Variants in RANBP2 observed in about 807,000 individuals in gnomAD.
RANBP2 encodes RAN binding protein 2.
RANBP2 carries 57 observed loss-of-function variants against 303.6 expected under a neutral mutation model. That is an observed-to-expected ratio of 0.19 (90% CI 0.15 to 0.23). RANBP2 has a LOEUF of 0.23. RANBP2 is among the 10% of genes least tolerant of loss of function. RANBP2 has a pLI of 1.00. For missense variants in RANBP2, 3,138 were observed against 3,780.8 expected (o/e 0.83, Z 4.46); for synonymous variants, 1,167 against 1,301.5 (o/e 0.90, Z 2.23).
chr2:108,970,687 G>C, the RANBP2 span, among the ~76,000 whole-genome samples: 1 of 152,152 alleles, frequency 6.6e-6, no homozygotes, highest in Non-Finnish European at 1.5e-5. Flanking sequence ...GGAGAAGACA[G>C]AAAAACCATA....
the RANBP2 span, among the ~76,000 whole-genome samples, chr2:109,107,224 CTTT>C: frequency 7.1e-6 from 1 of 141,098 alleles, no homozygotes. Context: ...CGCACCCAGC[CTTT>C]TTTTTTTTTT....
At chr2:109,609,957 G>A in the RANBP2 span, among the ~76,000 whole-genome samples, 10 of 152,234 alleles carry the variant, frequency 6.6e-5, no homozygotes, top group South Asian at 1.7e-3. Context: ...TATACAGCCA[G>A]GATCTCCTGA....
At chr2:108,809,489 A>G in the RANBP2 span, among the ~76,000 whole-genome samples, 8 of 140,680 alleles carry the variant, frequency 5.7e-5, no homozygotes, top group Admixed American at 1.4e-4. Flanking sequence ...TGTGTGTGTG[A>G]TCTTCAGTTT....
chr2:109,597,100 AGCACACTTG>A, the RANBP2 span, among the ~76,000 whole-genome samples: 3 of 152,112 alleles, frequency 2.0e-5, no homozygotes, highest in African/African-American at 4.8e-5. Flanking sequence ...GGCACATCCC[AGCACACTTG>A]GCTAATTTTT....
chr2:109,562,826 ATTGTCAGT>A, the RANBP2 span, among the ~76,000 whole-genome samples: 1 of 152,154 alleles, frequency 6.6e-6, no homozygotes, highest in African/African-American at 2.4e-5. Flanking sequence ...TCATGAGAAA[ATTGTCAGT>A]TTACGAGAAT....
At chr2:109,545,698 G>A in the RANBP2 span, 1 of 1,459,962 alleles carries the variant, frequency 6.8e-7, no homozygotes, top group Non-Finnish European at 9.0e-7. Context: ...AATAACTCAT[G>A]GTAGGTCAGC....
At chr2:109,110,442 A>G in the RANBP2 span, among the ~76,000 whole-genome samples, 2 of 152,224 alleles carry the variant, frequency 1.3e-5, no homozygotes, top group African/African-American at 4.8e-5. Flanking sequence ...TAGGCATGGC[A>G]TTTAGAAAGG....
the RANBP2 span, among the ~76,000 whole-genome samples, chr2:108,872,181 G>A: frequency 1.3e-5 from 2 of 151,910 alleles, no homozygotes; most frequent in African/African-American, 2.4e-5. Flanking sequence ...TTGTTGCCTC[G>A]GAGAATTCAG....
chr2:109,427,543 CAAG>C, the RANBP2 span, among the ~76,000 whole-genome samples: 7 of 152,182 alleles, frequency 4.6e-5, no homozygotes, highest in Non-Finnish European at 8.8e-5. Flanking sequence ...GAATCTCTAA[CAAG>C]TTCCAGGTGA....
chr2:109,585,679 A>T, the RANBP2 span: 1 of 1,300,186 alleles, frequency 7.7e-7, no homozygotes, highest in Non-Finnish European at 1.1e-6. Flanking sequence ...GAGCACAAGG[A>T]ATATGAAGGA....
the RANBP2 span, among the ~76,000 whole-genome samples, chr2:108,999,252 G>A: frequency 6.6e-6 from 1 of 152,188 alleles, no homozygotes; most frequent in Non-Finnish European, 1.5e-5. Flanking sequence ...ATTGATGTGA[G>A]CATTAAATGA....
the RANBP2 span, chr2:109,432,453 A>G: frequency 3.7e-6 from 6 of 1,605,196 alleles, no homozygotes; most frequent in Non-Finnish European, 5.1e-6. Context: ...CCGGTCCCCT[A>G]TCCCCAGGAG....
At chr2:109,585,370 G>A in the RANBP2 span, 1 of 1,421,868 alleles carries the variant, frequency 7.0e-7, no homozygotes. Flanking sequence ...TGGCTGAAAA[G>A]AAATACAACT....
At chr2:108,875,547 G>A in the RANBP2 span, among the ~76,000 whole-genome samples, 6 of 152,092 alleles carry the variant, frequency 3.9e-5, no homozygotes, top group Admixed American at 2.0e-4. Context: ...TGAATAGGGT[G>A]CAATTTTCAG....
chr2:109,664,474 G>C, the RANBP2 span, among the ~76,000 whole-genome samples: 1 of 151,730 alleles, frequency 6.6e-6, no homozygotes, highest in Non-Finnish European at 1.5e-5. Context: ...CATTGTGGCC[G>C]GCACCTGTAA....
the RANBP2 span, chr2:109,432,646 G>A: frequency 6.2e-7 from 1 of 1,612,476 alleles, no homozygotes; most frequent in Non-Finnish European, 8.5e-7. Flanking sequence ...GGTGTTCCCC[G>A]GAAACTACGT....
At chr2:109,726,047 T>A in the RANBP2 span, among the ~76,000 whole-genome samples, 1 of 145,286 alleles carries the variant, frequency 6.9e-6, no homozygotes, top group East Asian at 2.2e-4. Context: ...CTGGTTTTTG[T>A]TTTTGCTTTT....
chr2:108,975,128 G>A, the RANBP2 span, among the ~76,000 whole-genome samples: 1 of 152,226 alleles, frequency 6.6e-6, no homozygotes, highest in Admixed American at 6.5e-5. Context: ...CCCTGTCTGA[G>A]GGTGCTGGGC....
chr2:108,821,620 A>T, the RANBP2 span, among the ~76,000 whole-genome samples: 2 of 152,150 alleles, frequency 1.3e-5, no homozygotes, highest in Non-Finnish European at 2.9e-5. Context: ...GCTACAAAAC[A>T]TACAGAAAAA....
Sources: gnomAD v4.1 joint callset for allele counts (sites outside exome capture counted in the v4.1 genomes callset) on GRCh38, gnomAD v4.1.1 for gene constraint, MANE v1.5 for transcripts, NCBI Gene and HGNC (gene_info 2026-07-23, HGNC 2026-07-21) for gene names.